Variants in AQP9 observed in about 807,000 individuals in gnomAD.
AQP9 encodes aquaporin 9.
Under a neutral mutation model 23.8 loss-of-function variants are expected in AQP9, and 19 were observed. The ratio of observed to expected loss-of-function variants is 0.80; its 90% CI spans 0.56 to 1.17. AQP9 has a LOEUF of 1.17. Among genes scored for constraint, AQP9 ranks in the 50% most tolerant of loss-of-function variants. The probability of loss-of-function intolerance (pLI) is 0.00; values close to 1 mark genes in which losing one functional copy is unlikely to be tolerated. For missense variants in AQP9, 413 were observed against 362.0 expected (o/e 1.14, Z -1.14); for synonymous variants, 153 against 131.5 (o/e 1.16, Z -1.12).
At position 58,184,217 on chromosome 15, in the gene AQP9, C is replaced by G; in HGVS notation, c.*82C>G. 4 of 1,452,184 alleles carry G rather than the reference C, an allele frequency of 2.8e-6. No individual in the cohort carries two copies. The highest frequency in any genetic ancestry group is 3.8e-6 in the Non-Finnish European group (4 of 1,062,606). The allele number at this position is 1,452,184 out of a possible 1,614,324, so 90.0% of individuals were successfully genotyped here. A position where few individuals can be genotyped will look rare whatever the true frequency, so the allele number is the denominator to read the frequency against. ...ATCTAAGTGTCTGTGTTCTTGTAAGCCTGAGGTGGAATCCACCCAGTTTTG... is the reference window on the plus strand; with the variant it reads ...ATCTAAGTGTCTGTGTTCTTGTAAGGCTGAGGTGGAATCCACCCAGTTTTG... On this transcript the variant is annotated 3_prime_UTR_variant, in exon 6 of 6. Transcript: ENST00000219919.
At chr15:58,166,941 A>G (rs573867229) in intron 2 of AQP9, 142 bp downstream of exon 2, 1 of 1,151,774 alleles carries the variant, frequency 8.7e-7, no homozygotes, top group African/African-American at 1.6e-5. Flanking sequence ...TTTTATAGAT[A>G]AAATTAAAAT....
intron 1 of AQP9, among the ~76,000 whole-genome samples, chr15:58,157,619 G>A (rs12594625): frequency 0.43 from 64,824 of 151,844 alleles, 14,340 homozygotes; most frequent in Middle Eastern, 0.58. Flanking sequence ...TTTAATCAGC[G>A]TTAGCGGGGA....
chr15:58,159,182 G>A (rs140467132), intron 1 of AQP9, among the ~76,000 whole-genome samples: 5 of 152,236 alleles, frequency 3.3e-5, no homozygotes, highest in Non-Finnish European at 4.4e-5. Context: ...TGTCACAGGG[G>A]TCATGGCTCA....
At chr15:58,142,915 G>A (rs531048775) in intron 1 of AQP9, among the ~76,000 whole-genome samples, 1 of 152,300 alleles carries the variant, frequency 6.6e-6, no homozygotes, top group African/African-American at 2.4e-5. Flanking sequence ...ACTGTCAGCA[G>A]TGCCCTGGAT....
chr15:58,166,062 T>C (rs1898496370), intron 1 of AQP9, among the ~76,000 whole-genome samples: 1 of 152,224 alleles, frequency 6.6e-6, no homozygotes, highest in Admixed American at 6.5e-5. Flanking sequence ...CTTTATTGGA[T>C]GTGTGTATGG....
At position 58,138,560 on chromosome 15, in the gene AQP9, C is replaced by A. The variant is rs927031836; in HGVS notation, c.-6C>A. 4.3e-6 allele frequency: 7 copies of A among 1,612,916 alleles called. No homozygotes were observed. The highest frequency in any genetic ancestry group is 5.9e-6 in the Non-Finnish European group (7 of 1,179,208). On this transcript the variant is annotated 5_prime_UTR_variant, in exon 1 of 6. Transcript: ENST00000219919. Reference sequence around the variant, plus strand: ...TAGAAACAGGAGTCCTCAGAGAAGCCCCAAGATGCAGCCTGAGGGAGCAGA... The same window carrying A: ...TAGAAACAGGAGTCCTCAGAGAAGCACCAAGATGCAGCCTGAGGGAGCAGA...
intron 4 of AQP9, 26 bp from the exon 5 acceptor site, chr15:58,179,102 C>A (rs74016579): frequency 6.5e-7 from 1 of 1,533,802 alleles, no homozygotes; most frequent in Non-Finnish European, 9.0e-7. Context: ...CAGGCTAAAG[C>A]CCTGGCTCAA....
At chr15:58,151,778 C>G (rs1457410887) in intron 1 of AQP9, 1 of 152,066 alleles carries the variant, frequency 6.6e-6, no homozygotes, top group African/African-American at 2.4e-5. Context: ...TGGACTTCAC[C>G]TATGACTCCC....
chr15:58,157,295 T>G (rs573859777), intron 1 of AQP9, among the ~76,000 whole-genome samples: 7 of 152,194 alleles, frequency 4.6e-5, no homozygotes, highest in Non-Finnish European at 1.0e-4. Flanking sequence ...ACGGAGCAAA[T>G]GTGCTCTGAA....
At chr15:58,152,251 A>C (rs1898165618) in intron 1 of AQP9, 1 of 152,106 alleles carries the variant, frequency 6.6e-6, no homozygotes, top group Non-Finnish European at 1.5e-5. Flanking sequence ...TCCCCCTACT[A>C]TTAATTTAAT....
At chr15:58,145,234 G>A (rs1566980066) in intron 1 of AQP9, among the ~76,000 whole-genome samples, 1 of 151,902 alleles carries the variant, frequency 6.6e-6, no homozygotes. Flanking sequence ...TGGGCACAAT[G>A]GCTGATGCCT....
intron 4 of AQP9, among the ~76,000 whole-genome samples, chr15:58,177,638 T>G (rs1898788571): frequency 6.6e-6 from 1 of 152,228 alleles, no homozygotes; most frequent in Admixed American, 6.5e-5. Flanking sequence ...TGTCTTAACC[T>G]TGTTTTACTC....
chr15:58,174,168 G>T lies in AQP9; in HGVS notation c.377-750G>T, dbSNP rs551922188. Among the ~76,000 whole-genome samples the T allele has an allele frequency of 2.0e-4, 31 of 152,100 alleles. No homozygotes were observed. The South Asian group carries it at 2.1e-3, about 10-fold the overall frequency. ...CCAGGTGTGGTAACTCACATCTGTA[G>T]TCCCAGCTACTCAGGAGGCTGATAA... is the stretch of plus-strand genomic sequence containing the variant. On this transcript the variant is annotated intron_variant, in intron 3 of 5. Transcript: ENST00000219919.
At position 58,173,118 on chromosome 15, in the gene AQP9, A is replaced by C. The variant is rs1898659447; in HGVS notation, c.289A>C (p.Met97Leu). The C allele has an allele frequency of 1.9e-6, 3 of 1,613,976 alleles. No individual in the cohort carries two copies. The highest frequency in any genetic ancestry group is 1.3e-5 in the African/African-American group (1 of 75,048). The change falls in exon 3 of 6, where the codon ATG (methionine) becomes CTG (leucine). Residue 97 changes from methionine (M) to leucine (L), a missense_variant. By Grantham distance (15) the Met-to-Leu change is conservative. Transcript: ENST00000219919. ...TTTAGCAATGTGTCTCTTTGGACGG[A>C]TGAAATGGTTCAAATTGCCATTTTA... ...VSLAMCLFGR[M>L]KWFKLPFYVG... is the part of the protein sequence containing the mutation.
intron 2 of AQP9, among the ~76,000 whole-genome samples, chr15:58,167,799 T>C (rs1174206459): frequency 1.3e-5 from 2 of 152,130 alleles, no homozygotes; most frequent in African/African-American, 4.8e-5. Context: ...CTTGGCTCAC[T>C]GCAACCTACA....
At position 58,169,487 on chromosome 15, in the gene AQP9, G is replaced by A. The variant is rs775382989; in HGVS notation, c.238+2688G>A. Among the ~76,000 whole-genome samples the A allele has an allele frequency of 6.0e-4, 92 of 152,226 alleles. 1 individual carries two copies. The highest frequency in any genetic ancestry group is 3.2e-3 in the Middle Eastern group (1 of 316). On this transcript the variant is annotated intron_variant, in intron 2 of 5. Transcript: ENST00000219919. ...TCAGTATCAGCTTTGGCAGGTGCAG[G>A]AATAGGGGAAGATTGTGTGTGGGAG... is the stretch of plus-strand genomic sequence containing the variant.
intron 1 of AQP9, among the ~76,000 whole-genome samples, chr15:58,148,644 A>G (rs1268247936): frequency 6.6e-6 from 1 of 152,338 alleles, no homozygotes; most frequent in East Asian, 1.9e-4. Context: ...TAAATGCTTC[A>G]TTCATTTCTT....
intron 4 of AQP9, 48 bp downstream of exon 4, chr15:58,175,084 C>A: frequency 6.8e-7 from 1 of 1,465,916 alleles, no homozygotes; most frequent in Non-Finnish European, 9.6e-7. Context: ...AAGATATGCT[C>A]TCATAAGGGG....
chr15:58,147,360 G>C (rs1299456081), intron 1 of AQP9, among the ~76,000 whole-genome samples: 4 of 152,094 alleles, frequency 2.6e-5, no homozygotes, highest in Non-Finnish European at 5.9e-5. Context: ...CTGTGAAAGT[G>C]ACCTAACAAC....
Sources: gnomAD v4.1 joint callset for allele counts (sites outside exome capture counted in the v4.1 genomes callset) on GRCh38, gnomAD v4.1.1 for gene constraint, MANE v1.5 for transcripts, NCBI Gene and HGNC (gene_info 2026-07-23, HGNC 2026-07-21) for gene names.